Variants in SYT7 observed in about 807,000 individuals in gnomAD.
SYT7 encodes the protein synaptotagmin-7.
Under a neutral mutation model 75.1 loss-of-function variants are expected in SYT7, and 29 were observed. The ratio of observed to expected loss-of-function variants is 0.39; its 90% CI spans 0.29 to 0.53. The LOEUF (loss-of-function observed/expected upper bound fraction) is 0.53, where lower values mean the gene tolerates loss of function less well. Among genes scored for constraint, SYT7 ranks in the 20% least tolerant of loss-of-function variants. The pLI, the probability that SYT7 is intolerant of heterozygous loss-of-function variation, is 0.77. For synonymous variants in SYT7, 376 were observed against 401.7 expected (o/e 0.94, Z 0.76); for missense variants, 693 against 953.2 (o/e 0.73, Z 3.59).
At chr11:61,534,437 A>ACACG (rs1462898016) in intron 7 of SYT7, among the ~76,000 whole-genome samples, 15 of 5,110 alleles carry the variant, frequency 2.9e-3, no homozygotes, top group Admixed American at 8.3e-3. Context: ...ACACACACGC[A>ACACG]CACGCACGCA....
rs1471783057 is a variant in SYT7 at position 61,517,233 on chromosome 11, A to G, written c.*1394T>C. 1.8e-5 allele frequency: 7 copies of G among 398,610 alleles called. No homozygotes were observed. Among genetic ancestry groups the G allele is most frequent in the Admixed American group, 4.4e-5 (1 of 22,726 alleles). 24.7% of individuals were successfully genotyped at this position (398,610 alleles called of 1,614,324 possible). A position where few individuals can be genotyped will look rare whatever the true frequency, so the allele number is the denominator to read the frequency against. ...GGATGAGAGGGCTTAAGCAGGGATC[A>G]GCCTGAAATCTGCCGTCTCCAAGGG... On this transcript the variant is annotated 3_prime_UTR_variant, in exon 13 of 13. Transcript: ENST00000539008.
chr11:61,522,038 G>A (rs936390175), intron 12 of SYT7, among the ~76,000 whole-genome samples: 1 of 152,120 alleles, frequency 6.6e-6, no homozygotes, highest in Non-Finnish European at 1.5e-5. Flanking sequence ...TCTGACTCCC[G>A]AGCCCATGCT....
At chr11:61,550,186 C>T (rs1238962423) in intron 3 of SYT7, among the ~76,000 whole-genome samples, 2 of 152,238 alleles carry the variant, frequency 1.3e-5, no homozygotes, top group Non-Finnish European at 2.9e-5. Flanking sequence ...CTCCCCTAGC[C>T]TCAGCCTGGC....
chr11:61,554,336 A>T (rs957008356), intron 2 of SYT7, among the ~76,000 whole-genome samples: 10 of 152,054 alleles, frequency 6.6e-5, no homozygotes, highest in Non-Finnish European at 1.3e-4. Flanking sequence ...GCACATATGC[A>T]GAGGAGGCCA....
Position 61,576,411 on chromosome 11 carries a change from C to T in SYT7, c.31+4379G>A, listed in dbSNP as rs1371310503. Among the ~76,000 whole-genome samples, 6 of 152,224 alleles carry T rather than the reference C, an allele frequency of 3.9e-5. No homozygotes were observed. The highest frequency in any genetic ancestry group is 7.2e-5 in the African/African-American group (3 of 41,466). On this transcript the variant is annotated intron_variant, in intron 1 of 12. Transcript: ENST00000539008. The surrounding 1 kb of genome is among the most constrained non-coding windows in gnomAD (Gnocchi z 4.1). ...CCCCGACGAGAGAAAGTTGACCTCT[C>T]GGCCACATATGCCACCTGCCGGGCA... is the stretch of plus-strand genomic sequence containing the variant.
chr11:61,567,612 C>A (rs2135409220), intron 1 of SYT7, among the ~76,000 whole-genome samples: 1 of 152,328 alleles, frequency 6.6e-6, no homozygotes, highest in East Asian at 1.9e-4. Context: ...ATGCTGAAGA[C>A]CCCAGTCCTG....
At chr11:61,547,066 C>T (rs769629562) in intron 4 of SYT7, 111 bp downstream of exon 4, 159 of 1,315,796 alleles carry the variant, frequency 1.2e-4, no homozygotes, top group Middle Eastern at 7.9e-4. Flanking sequence ...GGGACAGGAG[C>T]GAGAGGAGAG....
intron 12 of SYT7, among the ~76,000 whole-genome samples, chr11:61,519,515 G>C (rs182954435): frequency 1.8e-4 from 28 of 152,358 alleles, no homozygotes; most frequent in African/African-American, 6.3e-4. Context: ...GAAAGACTGA[G>C]AAACTGTCAA....
rs574571281 is a variant in SYT7 at position 61,551,609 on chromosome 11, G to C, written c.136-146C>G. 3.9e-6 allele frequency: 3 copies of C among 778,716 alleles called. No homozygotes were observed. In the Admixed American group the frequency reaches 7.2e-5, roughly 19 times the overall value. The allele number at this position is 778,716 out of a possible 1,614,324, so 48.2% of individuals were successfully genotyped here. ...GACCAGTGTGCGAGGCTGTCACCGCGGTGGGGGCCAATCCCCTGGATGCCT... is the reference window on the plus strand; with the variant it reads ...GACCAGTGTGCGAGGCTGTCACCGCCGTGGGGGCCAATCCCCTGGATGCCT... On this transcript the variant is annotated intron_variant, in intron 2 of 12. Transcript: ENST00000539008. The surrounding 1 kb of genome is among the most constrained non-coding windows in gnomAD (Gnocchi z 5.3).
intron 7 of SYT7, among the ~76,000 whole-genome samples, 158 bp downstream of exon 7, chr11:61,537,986 C>T (rs1239151244): frequency 6.6e-6 from 1 of 152,208 alleles, no homozygotes; most frequent in Non-Finnish European, 1.5e-5. Context: ...GGTGGCAGTG[C>T]GTGAGGGCAC....
chr11:61,527,769 C>T (rs2062566676), intron 9 of SYT7, 146 bp downstream of exon 9: 1 of 951,418 alleles, frequency 1.1e-6, no homozygotes, highest in Non-Finnish European at 1.6e-6. Flanking sequence ...ATAAGTGTAT[C>T]TGCTTGCATG....
chr11:61,572,233 T>C (rs1425887303), intron 1 of SYT7, among the ~76,000 whole-genome samples: 1 of 152,074 alleles, frequency 6.6e-6, no homozygotes, highest in Non-Finnish European at 1.5e-5. Flanking sequence ...AGAGGATCCC[T>C]CCACCTTGCC....
At chr11:61,547,341 G>T in intron 3 of SYT7, 33 bp from the exon 4 acceptor site, 1 of 1,533,870 alleles carries the variant, frequency 6.5e-7, no homozygotes, top group Non-Finnish European at 8.7e-7. Context: ...GAGAAAACAG[G>T]GAGATACAAG....
intron 1 of SYT7, among the ~76,000 whole-genome samples, chr11:61,564,067 C>T (rs1267451907): frequency 1.3e-5 from 2 of 152,114 alleles, no homozygotes; most frequent in African/African-American, 2.4e-5. Context: ...TTGTCAACCC[C>T]CTTTTCTTGG....
chr11:61,557,235 G>A (rs1227602845), intron 1 of SYT7, among the ~76,000 whole-genome samples: 1 of 152,208 alleles, frequency 6.6e-6, no homozygotes, highest in Non-Finnish European at 1.5e-5. Flanking sequence ...TCACACATGC[G>A]CTATCAATCT....
rs530068779 is a variant in SYT7, at chr11:61,561,403, A to G, written c.32-5196T>C. Among the ~76,000 whole-genome samples, 466 of 152,318 alleles carry G rather than the reference A, an allele frequency of 3.1e-3. 6 individuals carry two copies. In the South Asian group the frequency reaches 0.038, roughly 13 times the overall value. The stretch of plus-strand genomic sequence containing the variant: ...CCCTCTACCCAGGCCTGTGGTAGGC[A>G]TATCAGCTGACTACAGCTCAGGATG... On this transcript the variant is annotated intron_variant, in intron 1 of 12. Coordinates refer to ENST00000539008, the MANE Select transcript of SYT7 (RefSeq NM_001365809.2).
chr11:61,528,492 C>T (rs1255167775), intron 8 of SYT7, among the ~76,000 whole-genome samples: 1 of 152,162 alleles, frequency 6.6e-6, no homozygotes, highest in Non-Finnish European at 1.5e-5. Context: ...GCTCAGCTGC[C>T]TCGCCTTCCT....
chr11:61,555,474 G>C (rs914464911), intron 2 of SYT7, among the ~76,000 whole-genome samples: 18 of 152,194 alleles, frequency 1.2e-4, no homozygotes, highest in African/African-American at 4.3e-4. Context: ...TCCCCCTACC[G>C]GCGCCCTCAG....
At chr11:61,525,019 G>A (rs954232510) in intron 9 of SYT7, among the ~76,000 whole-genome samples, 1 of 152,212 alleles carries the variant, frequency 6.6e-6, no homozygotes, top group African/African-American at 2.4e-5. Context: ...CAAAGGCACA[G>A]AAGCAGGAGG....
Sources: gnomAD v4.1 joint callset for allele counts (sites outside exome capture counted in the v4.1 genomes callset) on GRCh38, gnomAD v4.1.1 for gene constraint, Gnocchi (gnomAD v3.1) non-coding constraint, MANE v1.5 for transcripts, NCBI Gene and HGNC (gene_info 2026-07-23, HGNC 2026-07-21) for gene names.